The following ST7 variants were observed in gnomAD, a reference collection of about 807,000 sequenced individuals.
ST7 encodes the protein suppressor of tumorigenicity 7 protein.
ST7 carries 28 observed loss-of-function variants against 78.7 expected under a neutral mutation model. The ratio of observed to expected loss-of-function variants is 0.36; its 90% confidence interval spans 0.26 to 0.49. The LOEUF is 0.49. Among genes scored for constraint, ST7 ranks in the 20% least tolerant of loss-of-function variants. The pLI is 0.99. For missense variants in ST7, 418 were observed against 696.0 expected, an observed-to-expected ratio of 0.60 and a Z score of 4.49; for synonymous variants, 247 against 249.6, an observed-to-expected ratio of 0.99 and a Z score of 0.10.
In ST7 at chr7:117,077,311, G is replaced by A. The variant is rs186661602; in HGVS notation, c.152-22451G>A. On this transcript the variant is annotated intron_variant, in intron 1 of 15. Coordinates refer to ENST00000323984, the MANE Select transcript of ST7 (RefSeq NM_001369598.1). ...GGGATATAAGTTCTCACTTTGGGCCGTGGTTTCAGGTTTTTCAGCTGGAGG... is the reference window on the plus strand; with the variant it reads ...GGGATATAAGTTCTCACTTTGGGCCATGGTTTCAGGTTTTTCAGCTGGAGG... Among the ~76,000 whole-genome samples, 67 of 152,278 alleles carry A rather than the reference G, an allele frequency of 4.4e-4. 1 individual carries two copies. The highest frequency in any genetic ancestry group is 8.7e-4 in the Non-Finnish European group (59 of 68,018).
chr7:117,175,053 T>C (rs1433481330), intron 10 of ST7, among the ~76,000 whole-genome samples: 1 of 152,244 alleles, frequency 6.6e-6, no homozygotes, highest in East Asian at 1.9e-4. Flanking sequence ...CTAATCATTC[T>C]TTAAGAACTG....
intron 4 of ST7, 73 bp from the exon 5 acceptor site, chr7:117,130,418 C>A: frequency 9.0e-7 from 1 of 1,111,832 alleles, no homozygotes; most frequent in Non-Finnish European, 1.3e-6. Flanking sequence ...TTCAACGCCT[C>A]TGCAGCTTAA....
intron 3 of ST7, chr7:117,128,389 A>G (rs1191480810): frequency 6.6e-6 from 1 of 151,854 alleles, no homozygotes; most frequent in Non-Finnish European, 1.5e-5. Flanking sequence ...TTTGTAGTTA[A>G]TGCCATATGA....
chr7:117,148,164 A>G (rs1321268101), intron 9 of ST7, among the ~76,000 whole-genome samples: 1 of 152,090 alleles, frequency 6.6e-6, no homozygotes, highest in African/African-American at 2.4e-5. Flanking sequence ...TGTTTTTTGC[A>G]TGCTCAGTTA....
At chr7:117,005,945 T>C (rs944017513) in intron 1 of ST7, among the ~76,000 whole-genome samples, 1 of 152,200 alleles carries the variant, frequency 6.6e-6, no homozygotes, top group Non-Finnish European at 1.5e-5. Context: ...GAGTCAACAA[T>C]AGTAATTAAA....
At chr7:117,191,961 T>TATC (rs1611042) in intron 12 of ST7, among the ~76,000 whole-genome samples, 42,692 of 151,852 alleles carry the variant, frequency 0.28, 7,198 homozygotes, top group African/African-American at 0.48. Context: ...AGTGATCTAA[T>TATC]ATTCCTGGGA....
chr7:117,197,540 A>G (rs1249205959), intron 12 of ST7, among the ~76,000 whole-genome samples: 1 of 152,234 alleles, frequency 6.6e-6, no homozygotes, highest in Non-Finnish European at 1.5e-5. Context: ...AAATCAGCAG[A>G]CAACTCCTTC....
intron 12 of ST7, among the ~76,000 whole-genome samples, chr7:117,196,546 G>C (rs911421354): frequency 3.4e-5 from 5 of 148,020 alleles, no homozygotes; most frequent in Admixed American, 3.4e-4. Context: ...ATACCAGTTG[G>C]TCATTCATAT....
chr7:117,135,831 C>G (rs1804744604), intron 7 of ST7, among the ~76,000 whole-genome samples: 1 of 152,078 alleles, frequency 6.6e-6, no homozygotes. Flanking sequence ...AAGTGACACA[C>G]TAATATAAAG....
chr7:117,174,121 T>A (rs1263494944), intron 10 of ST7, among the ~76,000 whole-genome samples: 1 of 152,186 alleles, frequency 6.6e-6, no homozygotes, highest in African/African-American at 2.4e-5. Flanking sequence ...TGATTTTGAT[T>A]TTTGCCATTG....
In ST7 at chr7:117,219,800, C is replaced by T. The variant is rs78478319; in HGVS notation, c.1498+624C>T. 8.7e-3 allele frequency among the ~76,000 whole-genome samples: 1,319 copies of T among 152,326 alleles called. 8 individuals are homozygous for T. The highest frequency in any genetic ancestry group is 0.013 in the Non-Finnish European group (914 of 68,028). ...AGCACACAAAAGAAAACCCTGCCCT[C>T]GACTACCTTACACTTGCTAGCAGTC... On this transcript the variant is annotated intron_variant, in intron 14 of 15. Transcript: ENST00000323984. This position sits in a 1 kb window ranked among gnomAD's most constrained non-coding sequence, Gnocchi z 5.1.
intron 12 of ST7, among the ~76,000 whole-genome samples, chr7:117,197,585 C>T (rs570954395): frequency 6.6e-6 from 1 of 152,276 alleles, no homozygotes; most frequent in African/African-American, 2.4e-5. Context: ...TGTCATTGAG[C>T]AGTTTGTTTA....
chr7:117,051,846 A>G (rs1326287996), intron 1 of ST7, among the ~76,000 whole-genome samples: 5 of 152,162 alleles, frequency 3.3e-5, no homozygotes, highest in Admixed American at 2.0e-4. Context: ...AATGAGATGG[A>G]TGGGAGTGCC....
At chr7:117,223,927 C>G (rs1462436622) in intron 15 of ST7, 11 of 974,710 alleles carry the variant, frequency 1.1e-5, no homozygotes, top group Non-Finnish European at 1.3e-5. Flanking sequence ...GTGGTCTCTG[C>G]AGAAAGAATC....
At chr7:117,089,848 G>A (rs1054268030) in intron 1 of ST7, among the ~76,000 whole-genome samples, 11 of 152,240 alleles carry the variant, frequency 7.2e-5, no homozygotes, top group African/African-American at 2.4e-4. Flanking sequence ...GGGATTACAG[G>A]CATGAGCCAC....
chr7:117,176,799 T>C (rs1808374749), intron 10 of ST7, among the ~76,000 whole-genome samples: 1 of 152,204 alleles, frequency 6.6e-6, no homozygotes, highest in Non-Finnish European at 1.5e-5. Flanking sequence ...CAGTTAAGTA[T>C]ATAAATGTGA....
At chr7:116,999,811 T>TTC (rs1554424012) in intron 1 of ST7, among the ~76,000 whole-genome samples, 6 of 139,188 alleles carry the variant, frequency 4.3e-5, no homozygotes, top group East Asian at 2.0e-4. Context: ...TTTCTTTCTT[T>TTC]TTTTTTTTTT....
intron 13 of ST7, among the ~76,000 whole-genome samples, chr7:117,213,429 CAA>C (rs1464251594): frequency 2.6e-5 from 4 of 152,026 alleles, no homozygotes; most frequent in African/African-American, 9.7e-5. Context: ...TAGTTTCTGT[CAA>C]AAGTGTTCTC....
chr7:117,123,381 T>C (rs1803564114), intron 3 of ST7, among the ~76,000 whole-genome samples: 1 of 152,154 alleles, frequency 6.6e-6, no homozygotes, highest in Non-Finnish European at 1.5e-5. Flanking sequence ...AGATTGTGCA[T>C]ATATTTTTAA....
Sources: allele counts gnomAD v4.1 joint callset (sites outside exome capture counted in the v4.1 genomes callset), GRCh38; gene constraint gnomAD v4.1.1; non-coding constraint Gnocchi (gnomAD v3.1); transcripts MANE v1.5; gene names NCBI Gene and HGNC (gene_info 2026-07-23, HGNC 2026-07-21).